Variants in NELL1 observed in about 807,000 individuals in gnomAD.
NELL1 encodes the protein protein kinase C-binding protein NELL1.
In NELL1, 76 loss-of-function variants were observed where a neutral mutation model predicts 107.4. The observed-to-expected ratio is 0.71, with a 90% CI of 0.59 to 0.86. NELL1 has a LOEUF of 0.86. Among genes scored for constraint, NELL1 ranks in the 40% least tolerant of loss-of-function variants. NELL1 has a pLI of 0.00. For synonymous variants in NELL1, 353 were observed against 341.2 expected (o/e 1.03, Z -0.38); for missense variants, 1,024 against 1,005.5 (o/e 1.02, Z -0.25).
At chr11:21,005,980 TC>T (rs776722225) in intron 12 of NELL1, among the ~76,000 whole-genome samples, 10 of 151,918 alleles carry the variant, frequency 6.6e-5, no homozygotes, top group Non-Finnish European at 1.0e-4. Context: ...TCACTTCATC[TC>T]CTTTAATCAC....
intron 13 of NELL1, among the ~76,000 whole-genome samples, chr11:21,160,988 TGCTA>T (rs1856352260): frequency 2.2e-5 from 3 of 139,308 alleles, no homozygotes; most frequent in African/African-American, 8.0e-5. Context: ...TTTAACCTCT[TGCTA>T]GCCTTTATAC....
At chr11:20,990,969 G>A (rs574436936) in intron 12 of NELL1, among the ~76,000 whole-genome samples, 1 of 117,646 alleles carries the variant, frequency 8.5e-6, no homozygotes, top group Non-Finnish European at 1.7e-5. Context: ...TCCACTCCTG[G>A]ATTCCACAGC....
chr11:21,226,879 C>T (rs1590750874), intron 13 of NELL1, among the ~76,000 whole-genome samples: 1 of 152,046 alleles, frequency 6.6e-6, no homozygotes, highest in Admixed American at 6.5e-5. Flanking sequence ...GCAGATAAAC[C>T]AACTACATTG....
intron 13 of NELL1, among the ~76,000 whole-genome samples, chr11:21,171,478 G>C (rs776583652): frequency 6.6e-6 from 1 of 151,792 alleles, no homozygotes; most frequent in Non-Finnish European, 1.5e-5. Flanking sequence ...GTAAATTGCT[G>C]TTTCACTTAA....
intron 12 of NELL1, among the ~76,000 whole-genome samples, chr11:21,099,397 T>A (rs1303829682): frequency 6.6e-6 from 1 of 151,880 alleles, no homozygotes; most frequent in Non-Finnish European, 1.5e-5. Flanking sequence ...AGAGAATGCC[T>A]CTCTCATCTC....
At chr11:21,184,604 G>A (rs1280352721) in intron 13 of NELL1, among the ~76,000 whole-genome samples, 1 of 151,798 alleles carries the variant, frequency 6.6e-6, no homozygotes, top group African/African-American at 2.4e-5. Flanking sequence ...TGTGTCAGTC[G>A]AAAACAGACT....
At chr11:21,401,092 C>A (rs1450085736) in intron 15 of NELL1, among the ~76,000 whole-genome samples, 2 of 151,882 alleles carry the variant, frequency 1.3e-5, no homozygotes, top group Non-Finnish European at 2.9e-5. Flanking sequence ...TTTCTTGCTA[C>A]TTTAAATTAT....
chr11:21,032,928 T>C (rs1442714505), intron 12 of NELL1, among the ~76,000 whole-genome samples: 3 of 152,212 alleles, frequency 2.0e-5, no homozygotes, highest in African/African-American at 7.2e-5. Context: ...GTTTCTTTAG[T>C]GAGAACTGTT....
At chr11:20,803,698 G>A (rs529399081) in intron 3 of NELL1, among the ~76,000 whole-genome samples, 260 of 152,046 alleles carry the variant, frequency 1.7e-3, no homozygotes, top group African/African-American at 5.8e-3. Flanking sequence ...GGTTAATACC[G>A]AGTGTCAACT....
At chr11:21,270,732 T>C (rs915474274) in intron 14 of NELL1, among the ~76,000 whole-genome samples, 1 of 152,108 alleles carries the variant, frequency 6.6e-6, no homozygotes, top group African/African-American at 2.4e-5. Flanking sequence ...CACATTCTTC[T>C]CAAGCTCACA....
intron 13 of NELL1, among the ~76,000 whole-genome samples, chr11:21,156,623 C>G (rs949753507): frequency 8.6e-5 from 13 of 151,972 alleles, no homozygotes; most frequent in Admixed American, 2.0e-4. Context: ...GATGGCAGTA[C>G]CCAGCAGGTG....
chr11:20,791,449 G>T (rs746256357), intron 3 of NELL1, among the ~76,000 whole-genome samples: 1 of 152,116 alleles, frequency 6.6e-6, no homozygotes, highest in African/African-American at 2.4e-5. Context: ...TAAGCTTATT[G>T]ATTAGTTCTA....
intron 15 of NELL1, among the ~76,000 whole-genome samples, chr11:21,492,698 G>A (rs1185228792): frequency 7.4e-6 from 1 of 134,854 alleles, no homozygotes; most frequent in Middle Eastern, 3.9e-3. Flanking sequence ...TGAACAATGA[G>A]AACACATGGA....
At chr11:21,158,971 T>C (rs1856303944) in intron 13 of NELL1, among the ~76,000 whole-genome samples, 1 of 152,166 alleles carries the variant, frequency 6.6e-6, no homozygotes, top group Non-Finnish European at 1.5e-5. Flanking sequence ...GATTGGCCTG[T>C]TTTTCTGCTA....
chr11:21,402,415 T>G (rs1852120272), intron 15 of NELL1, among the ~76,000 whole-genome samples: 1 of 151,810 alleles, frequency 6.6e-6, no homozygotes, highest in African/African-American at 2.4e-5. Flanking sequence ...ATGACAATTT[T>G]GGCATGAAAT....
chr11:21,062,561 T>A (rs1028693538), intron 12 of NELL1, among the ~76,000 whole-genome samples: 1 of 152,196 alleles, frequency 6.6e-6, no homozygotes, highest in Non-Finnish European at 1.5e-5. Flanking sequence ...CATTTGCCTT[T>A]AGTGTTTGAG....
intron 13 of NELL1, among the ~76,000 whole-genome samples, chr11:21,168,728 C>T (rs1277671169): frequency 6.6e-6 from 1 of 151,876 alleles, no homozygotes; most frequent in Non-Finnish European, 1.5e-5. Context: ...CCAGTTAAAG[C>T]TCATAAGTTT....
intron 3 of NELL1, among the ~76,000 whole-genome samples, chr11:20,810,803 A>G (rs1265079734): frequency 1.3e-5 from 2 of 151,908 alleles, no homozygotes; most frequent in Non-Finnish European, 2.9e-5. Flanking sequence ...ACTCTTTTCT[A>G]TAGCAGCATT....
In NELL1 at chr11:20,970,053, G is replaced by GTCCA. The variant is rs3046320; in HGVS notation, c.1300+9533_1300+9536dup. On this transcript the variant is annotated intron_variant, in intron 12 of 19. Coordinates refer to ENST00000357134, the MANE Select transcript of NELL1 (RefSeq NM_006157.5). ...ATATAAATATCTAATCTATCTCTCT[G>GTCCA]TCCATCCATCCATCCATCCATCCAT... is the stretch of plus-strand genomic sequence containing the variant. Among the ~76,000 whole-genome samples the GTCCA allele has an allele frequency of 9.6e-3, 1,209 of 126,048 alleles. 7 individuals carry two copies. Among genetic ancestry groups the GTCCA allele is most frequent in the Middle Eastern group, 0.027 (7 of 262 alleles). 82.7% of individuals were successfully genotyped at this position (126,048 alleles called of 152,430 possible).
Sources: allele counts gnomAD v4.1 joint callset (sites outside exome capture counted in the v4.1 genomes callset), GRCh38; gene constraint gnomAD v4.1.1; transcripts MANE v1.5; gene names NCBI Gene and HGNC (gene_info 2026-07-23, HGNC 2026-07-21).